The following DNAH5 variants were observed in gnomAD, a reference collection of about 807,000 sequenced individuals.
The protein encoded by DNAH5 is axonemal beta dynein heavy chain 5.
A neutral mutation model predicts 518.2 loss-of-function variants in DNAH5; 372 were observed. The observed-to-expected ratio is 0.72, with a 90% CI of 0.66 to 0.78. The LOEUF is 0.78. Ranked by LOEUF, DNAH5 falls within the 30% of genes least tolerant of loss-of-function variation. The pLI is 0.00. For missense variants in DNAH5, 5,523 were observed against 5,687.0 expected, an observed-to-expected ratio of 0.97 and a Z score of 0.93; for synonymous variants, 2,039 against 2,025.9, an observed-to-expected ratio of 1.01 and a Z score of -0.17.
At chr5:13,750,813 T>C (rs1015685792) in intron 65 of DNAH5, among the ~76,000 whole-genome samples, 6 of 152,200 alleles carry the variant, frequency 3.9e-5, no homozygotes, top group African/African-American at 1.4e-4. Context: ...AAAATGAGAC[T>C]GATTCCTCGT....
chr5:13,794,137 A>T (rs1757466593), intron 47 of DNAH5, 79 bp from the exon 48 acceptor site: 3 of 1,582,930 alleles, frequency 1.9e-6, no homozygotes, highest in Admixed American at 3.4e-5. Context: ...AACAACAAAA[A>T]CTGGTAACCT....
intron 1 of DNAH5, among the ~76,000 whole-genome samples, chr5:13,987,960 C>T (rs10042709): frequency 0.33 from 50,781 of 151,828 alleles, 8,613 homozygotes; most frequent in East Asian, 0.56. Context: ...ACTAGACAAA[C>T]CTGTCACATG....
intron 47 of DNAH5, among the ~76,000 whole-genome samples, chr5:13,800,817 T>C (rs1293813678): frequency 6.6e-6 from 1 of 152,166 alleles, no homozygotes; most frequent in African/African-American, 2.4e-5. Context: ...CCTCATCCAC[T>C]GTTTTGCTGT....
intron 35 of DNAH5, among the ~76,000 whole-genome samples, chr5:13,837,444 C>T (rs569365009): frequency 6.6e-6 from 1 of 152,072 alleles, no homozygotes; most frequent in East Asian, 1.9e-4. Context: ...GAGAGGAAAT[C>T]CTGGAGTCAG....
chr5:13,788,874 A>T lies in DNAH5; in HGVS notation c.8489T>A (p.Ile2830Lys). 1.2e-6 allele frequency: 2 copies of T among 1,614,180 alleles called. No individual in the cohort carries two copies. The highest frequency in any genetic ancestry group is 1.7e-6 in the Non-Finnish European group (2 of 1,180,032). ...ACTGGACACTGTGAAACGGTCAGCT[A>T]TAACACGTTTACACTCATGCTTCCA... ...KLWKHECKRV[I>K]ADRFTVSSDV... is the part of the protein sequence containing the mutation. The change falls in exon 51 of 79, where the codon ATA (isoleucine) becomes AAA (lysine). Residue 2830 changes from isoleucine to lysine, a missense_variant. By Grantham distance (102) the Ile-to-Lys change is moderately radical. This residue lies in a region of DNAH5 where 5,121 missense variants were observed against 5,223.3 expected (regional missense o/e 0.98). Transcript: ENST00000265104.
At chr5:13,960,992 T>C (rs2152046535) in intron 1 of DNAH5, among the ~76,000 whole-genome samples, 1 of 152,050 alleles carries the variant, frequency 6.6e-6, no homozygotes, top group Admixed American at 6.5e-5. Flanking sequence ...TGAAAGCCTC[T>C]GAAATCTCCA....
intron 64 of DNAH5, among the ~76,000 whole-genome samples, chr5:13,751,497 A>G (rs753806397): frequency 2.0e-5 from 3 of 152,176 alleles, no homozygotes; most frequent in Admixed American, 6.5e-5. Flanking sequence ...AATGGACTGA[A>G]TATAGAATTT....
At chr5:13,790,403 T>C (rs1214997118) in intron 50 of DNAH5, among the ~76,000 whole-genome samples, 1 of 152,172 alleles carries the variant, frequency 6.6e-6, no homozygotes, top group Non-Finnish European at 1.5e-5. Flanking sequence ...CATGGGAACA[T>C]GGATGGAGCT....
chr5:13,828,091 A>C (rs576900239), intron 38 of DNAH5, among the ~76,000 whole-genome samples: 1 of 152,354 alleles, frequency 6.6e-6, no homozygotes, highest in East Asian at 1.9e-4. Context: ...TGAGTGAGTA[A>C]GGGCTCCAAT....
At chr5:13,983,646 C>G (rs1244316399) in intron 1 of DNAH5, among the ~76,000 whole-genome samples, 1 of 152,146 alleles carries the variant, frequency 6.6e-6, no homozygotes, top group Admixed American at 6.5e-5. Context: ...GCTTTAAAAA[C>G]CTCTAGGCTA....
intron 12 of DNAH5, among the ~76,000 whole-genome samples, chr5:13,909,949 A>C (rs1775791901): frequency 6.6e-6 from 1 of 152,216 alleles, no homozygotes; most frequent in Non-Finnish European, 1.5e-5. Context: ...TGATCCCTGC[A>C]TTTGAGGTGC....
At chr5:13,771,845 G>A (rs901391308) in intron 55 of DNAH5, among the ~76,000 whole-genome samples, 12 of 152,150 alleles carry the variant, frequency 7.9e-5, no homozygotes, top group Non-Finnish European at 1.6e-4. Context: ...AATAAAATGG[G>A]AGAGAAATGA....
rs1327523071 is a variant in DNAH5 at position 13,807,506 on chromosome 5, T to C, written c.7887+85A>G. ...ATGGCTATGAAAATTCAGATGAGAT[T>C]CAATTGAAGCAGAATAGTAGAGATT... On this transcript the variant is annotated intron_variant, in intron 47 of 78. Coordinates refer to ENST00000265104, the MANE Select transcript of DNAH5 (RefSeq NM_001369.3). The C allele has an allele frequency of 7.3e-5, 97 of 1,321,154 alleles. 1 individual carries two copies. Among genetic ancestry groups the C allele is most frequent in the Non-Finnish European group, 4.3e-6 (4 of 930,922 alleles). 81.8% of individuals were successfully genotyped at this position (1,321,154 alleles called of 1,614,324 possible). A position where few individuals can be genotyped will look rare whatever the true frequency, so the allele number is the denominator to read the frequency against.
At chr5:13,753,024 A>T (rs763969976) in intron 63 of DNAH5, among the ~76,000 whole-genome samples, 9 of 152,230 alleles carry the variant, frequency 5.9e-5, no homozygotes, top group Non-Finnish European at 2.9e-5. Context: ...CCATTGAAAG[A>T]TGGCATTGGT....
chr5:13,745,333 A>G (rs1304607164), intron 65 of DNAH5, among the ~76,000 whole-genome samples: 1 of 152,094 alleles, frequency 6.6e-6, no homozygotes, highest in African/African-American at 2.4e-5. Context: ...CAGGTGCATC[A>G]GATAAACAAT....
At chr5:13,767,420 C>A (rs1292635604) in intron 58 of DNAH5, among the ~76,000 whole-genome samples, 2 of 152,200 alleles carry the variant, frequency 1.3e-5, no homozygotes, top group Non-Finnish European at 2.9e-5. Flanking sequence ...CCAGCATGCC[C>A]AGCCTGTTTT....
chr5:13,840,828 C>T, intron 34 of DNAH5, 78 bp downstream of exon 34: 2 of 1,177,606 alleles, frequency 1.7e-6, no homozygotes, highest in Non-Finnish European at 1.3e-6. Context: ...TTCAATCAAA[C>T]TAGTTCTACT....
At chr5:13,909,660 T>C (rs1775748256) in intron 12 of DNAH5, among the ~76,000 whole-genome samples, 2 of 152,228 alleles carry the variant, frequency 1.3e-5, no homozygotes. Flanking sequence ...CTTTTTCATA[T>C]AGTATCAGAG....
chr5:13,776,583 G>A lies in DNAH5; in HGVS notation c.9229C>T (p.Arg3077Trp), dbSNP rs1426289211. 17 of 1,613,806 alleles carry A rather than the reference G, an allele frequency of 1.1e-5. No individual in the cohort carries two copies. Among genetic ancestry groups the A allele is most frequent in the East Asian group, 6.7e-5 (3 of 44,886 alleles). ...NENLHDYFMS[R>W]VRQNLHIVLC... ...ACAATATGAAGGTTCTGTCGGACCC[G>A]ACTCATGAAGTAGTCGTGCAGGTTC... The change falls in exon 55 of 79, where the codon CGG (arginine) becomes TGG (tryptophan). Residue 3077 changes from arginine (R) to tryptophan (W), a missense_variant. Coordinates refer to ENST00000265104, the MANE Select transcript of DNAH5 (RefSeq NM_001369.3).
Sources: allele counts gnomAD v4.1 joint callset (sites outside exome capture counted in the v4.1 genomes callset), GRCh38; gene constraint gnomAD v4.1.1; regional missense constraint gnomAD v4.1.1; transcripts MANE v1.5; gene names NCBI Gene and HGNC (gene_info 2026-07-23, HGNC 2026-07-21).